Variants in ARHGAP8 observed in about 807,000 individuals in gnomAD.
ARHGAP8 encodes the protein rho GTPase-activating protein 8.
In ARHGAP8, 62 loss-of-function variants were observed where a neutral mutation model predicts 46.1. The observed-to-expected ratio is 1.34, with a 90% CI of 1.10 to 1.66. The LOEUF (loss-of-function observed/expected upper bound fraction) is 1.66, where lower values mean the gene tolerates loss of function less well. ARHGAP8 is among the 40% of genes most tolerant of loss of function. ARHGAP8 has a pLI of 0.00. For synonymous variants in ARHGAP8, 375 were observed against 243.1 expected (o/e 1.54, Z -5.05); for missense variants, 923 against 568.4 (o/e 1.62, Z -6.34).
intron 1 of ARHGAP8, among the ~76,000 whole-genome samples, chr22:44,769,054 T>G (rs1283605613): frequency 6.6e-6 from 1 of 152,114 alleles, no homozygotes; most frequent in Non-Finnish European, 1.5e-5. Context: ...AGGCTGGTCT[T>G]GAACTCCAGA....
intron 7 of ARHGAP8, among the ~76,000 whole-genome samples, chr22:44,834,089 A>T (rs549680001): frequency 1.3e-5 from 2 of 152,144 alleles, no homozygotes; most frequent in African/African-American, 4.8e-5. Flanking sequence ...TGATCTTTTC[A>T]AGGAGTCAAC....
chr22:44,778,498 G>A (rs897400132), intron 1 of ARHGAP8, among the ~76,000 whole-genome samples: 7 of 152,170 alleles, frequency 4.6e-5, no homozygotes, highest in African/African-American at 1.7e-4. Flanking sequence ...GGGTGTGCAA[G>A]GATCTTTTTT....
intron 10 of ARHGAP8, among the ~76,000 whole-genome samples, chr22:44,854,060 A>T (rs5766109): frequency 0.37 from 46,495 of 125,898 alleles, 9,776 homozygotes; most frequent in East Asian, 0.57. Context: ...AAAAAAAAAA[A>T]AACCATCAGA....
chr22:44,832,986 C>T lies in ARHGAP8; in HGVS notation c.596+7393C>T, dbSNP rs142584604. On this transcript the variant is annotated intron_variant, in intron 7 of 11. Transcript: ENST00000356099. ...TATTAAAAACACACACACACACACACACACAAAAGAATCAACAGTCCTTCA... is the reference window on the plus strand; with the variant it reads ...TATTAAAAACACACACACACACACATACACAAAAGAATCAACAGTCCTTCA... Among the ~76,000 whole-genome samples, 204 of 152,086 alleles carry T rather than the reference C, an allele frequency of 1.3e-3. 1 individual carries two copies. Among genetic ancestry groups the T allele is most frequent in the African/African-American group, 4.7e-3 (194 of 41,526 alleles).
chr22:44,794,043 G>C (rs996224738), intron 2 of ARHGAP8, among the ~76,000 whole-genome samples: 2 of 152,228 alleles, frequency 1.3e-5, no homozygotes, highest in Admixed American at 1.3e-4. Context: ...AAGGCGCGGA[G>C]GCTTGGCTGG....
intron 2 of ARHGAP8, among the ~76,000 whole-genome samples, chr22:44,793,095 T>A (rs995902460): frequency 6.6e-6 from 1 of 152,290 alleles, no homozygotes; most frequent in South Asian, 2.1e-4. Flanking sequence ...GTCCTGAGAT[T>A]ATAGGCATGA....
At chr22:44,855,042 A>G (rs1045550174) in intron 10 of ARHGAP8, among the ~76,000 whole-genome samples, 1 of 152,266 alleles carries the variant, frequency 6.6e-6, no homozygotes, top group Non-Finnish European at 1.5e-5. Flanking sequence ...CTTAGTTTCT[A>G]TATTTCTGAG....
At chr22:44,833,096 C>CTTTTTTTTTTTTTT (rs533794156) in intron 7 of ARHGAP8, among the ~76,000 whole-genome samples, 1 of 120,430 alleles carries the variant, frequency 8.3e-6, no homozygotes, top group Non-Finnish European at 1.7e-5. Context: ...CTTTTCTTTT[C>CTTTTTTTTTTTTTT]TTTTTTTTTT....
chr22:44,762,006 C>T (rs1047946684), intron 1 of ARHGAP8, among the ~76,000 whole-genome samples: 12 of 152,232 alleles, frequency 7.9e-5, no homozygotes, highest in African/African-American at 2.9e-4. Context: ...CACCAGGTCC[C>T]TCCCATAATG....
At chr22:44,852,718 T>C (rs555795976) in intron 10 of ARHGAP8, among the ~76,000 whole-genome samples, 2 of 152,340 alleles carry the variant, frequency 1.3e-5, no homozygotes, top group South Asian at 4.2e-4. Flanking sequence ...AGCCTGTTAA[T>C]AAGGGGCCTT....
At chr22:44,758,473 A>G (rs1924862509) in intron 1 of ARHGAP8, among the ~76,000 whole-genome samples, 2 of 152,112 alleles carry the variant, frequency 1.3e-5, no homozygotes, top group African/African-American at 4.8e-5. Flanking sequence ...GGCTCCGTGA[A>G]TCCCCACTTT....
intron 1 of ARHGAP8, among the ~76,000 whole-genome samples, chr22:44,779,064 G>GAATT (rs1926629329): frequency 6.6e-6 from 1 of 150,462 alleles, no homozygotes; most frequent in Non-Finnish European, 1.5e-5. Flanking sequence ...GCAGAAAGTG[G>GAATT]AATTGCACAG....
At chr22:44,831,635 G>GT (rs1215285301) in intron 7 of ARHGAP8, among the ~76,000 whole-genome samples, 2 of 152,166 alleles carry the variant, frequency 1.3e-5, no homozygotes, top group African/African-American at 4.8e-5. Context: ...GGAGGCGGAG[G>GT]TTGCAGTGAG....
At chr22:44,803,846 A>G (rs1462455478) in intron 3 of ARHGAP8, among the ~76,000 whole-genome samples, 1 of 146,106 alleles carries the variant, frequency 6.8e-6, no homozygotes, top group Non-Finnish European at 1.5e-5. Context: ...TCTTGTGCAC[A>G]CGCTTCTCCA....
intron 1 of ARHGAP8, among the ~76,000 whole-genome samples, chr22:44,783,095 C>T (rs1299613136): frequency 6.6e-6 from 1 of 151,484 alleles, no homozygotes; most frequent in African/African-American, 2.4e-5. Context: ...CAGGCTGCCC[C>T]ACTCCATGTT....
chr22:44,852,808 G>GTT (rs1439915042), intron 10 of ARHGAP8, among the ~76,000 whole-genome samples: 1 of 152,068 alleles, frequency 6.6e-6, no homozygotes, highest in Admixed American at 6.5e-5. Context: ...TTTTTTGTTT[G>GTT]TTTGTTTTGT....
chr22:44,786,327 GGCTGAGGTAGGGCGCGTAGTGGGTGT>G lies in ARHGAP8; in HGVS notation c.-71-127_-71-102del. On this transcript the variant is annotated intron_variant, in intron 1 of 11. Transcript: ENST00000356099. ...GAGGCAGGGCGCGTAGTGGGTGCAC[GGCTGAGGTAGGGCGCGTAGTGGGTGT>G]GCAGCAGAGGTGGGTGACTGTCTTA... The G allele has an allele frequency of 2.6e-6, 3 of 1,139,956 alleles. No individual in the cohort carries two copies. The South Asian group carries it at 4.9e-5, about 18-fold the overall frequency. The allele number at this position is 1,139,956 out of a possible 1,614,324, so 70.6% of individuals were successfully genotyped here.
At chr22:44,782,407 A>G (rs113377093) in intron 1 of ARHGAP8, among the ~76,000 whole-genome samples, 2,261 of 152,274 alleles carry the variant, frequency 0.015, 63 homozygotes, top group African/African-American at 0.052. Context: ...TGTCGAGTCC[A>G]CTCACAGTGC....
At chr22:44,838,140 A>ATTTT (rs61131873) in intron 7 of ARHGAP8, among the ~76,000 whole-genome samples, 4 of 143,502 alleles carry the variant, frequency 2.8e-5, no homozygotes, top group African/African-American at 1.0e-4. Flanking sequence ...TGCCTGGCTA[A>ATTTT]TTTTTTTTTT....
Sources: allele counts gnomAD v4.1 joint callset (sites outside exome capture counted in the v4.1 genomes callset), GRCh38; gene constraint gnomAD v4.1.1; transcripts MANE v1.5; gene names NCBI Gene and HGNC (gene_info 2026-07-23, HGNC 2026-07-21).